The following ADAMTS3 variants were observed in gnomAD, a reference collection of about 807,000 sequenced individuals.
ADAMTS3 encodes the protein A disintegrin and metalloproteinase with thrombospondin motifs 3.
ADAMTS3 carries 73 observed loss-of-function variants against 129.0 expected under a neutral mutation model. The ratio of observed to expected loss-of-function variants is 0.57; its 90% CI spans 0.47 to 0.69. ADAMTS3 has a LOEUF of 0.69. Among genes scored for constraint, ADAMTS3 ranks in the 30% least tolerant of loss-of-function variants. ADAMTS3 has a pLI of 0.00. For synonymous variants in ADAMTS3, 477 were observed against 510.8 expected, an observed-to-expected ratio of 0.93 and a Z score of 0.89; for missense variants, 1,457 against 1,514.5, an observed-to-expected ratio of 0.96 and a Z score of 0.63.
intron 4 of ADAMTS3, among the ~76,000 whole-genome samples, chr4:72,378,156 T>A (rs567051523): frequency 6.6e-6 from 1 of 152,304 alleles, no homozygotes; most frequent in Admixed American, 6.5e-5. Context: ...CTAAAATTCC[T>A]TCATCAGTTT....
intron 3 of ADAMTS3, among the ~76,000 whole-genome samples, chr4:72,530,703 TTA>T (rs1490799325): frequency 7.5e-5 from 7 of 92,990 alleles, no homozygotes; most frequent in African/African-American, 3.1e-4. Flanking sequence ...GTATCATATA[TTA>T]TATATTATAT....
chr4:72,546,418 T>C (rs1578783568), intron 3 of ADAMTS3, among the ~76,000 whole-genome samples: 1 of 150,768 alleles, frequency 6.6e-6, no homozygotes, highest in Non-Finnish European at 1.5e-5. Flanking sequence ...TAACCTCTAG[T>C]GATTTCATCT....
chr4:72,317,317 A>T (rs1719424209), intron 10 of ADAMTS3, among the ~76,000 whole-genome samples: 1 of 152,188 alleles, frequency 6.6e-6, no homozygotes, highest in Non-Finnish European at 1.5e-5. Context: ...TAATGCAAGT[A>T]ATTAGGAGCT....
intron 3 of ADAMTS3, among the ~76,000 whole-genome samples, chr4:72,446,278 A>T (rs1436527412): frequency 2.0e-5 from 3 of 151,688 alleles, no homozygotes; most frequent in Non-Finnish European, 4.4e-5. Context: ...TCTTGCAAAC[A>T]TCTTCTGGTC....
At chr4:72,515,953 G>A (rs1365202902) in intron 3 of ADAMTS3, among the ~76,000 whole-genome samples, 4 of 152,096 alleles carry the variant, frequency 2.6e-5, no homozygotes, top group Admixed American at 6.5e-5. Context: ...TTTCTTCTAG[G>A]GTTTTTATGG....
chr4:72,453,125 C>T (rs1421690562), intron 3 of ADAMTS3, among the ~76,000 whole-genome samples: 3 of 151,716 alleles, frequency 2.0e-5, no homozygotes, highest in African/African-American at 7.3e-5. Context: ...CAGGCCATTG[C>T]TTTATTATAT....
intron 4 of ADAMTS3, among the ~76,000 whole-genome samples, chr4:72,344,357 G>A (rs960080862): frequency 8.6e-5 from 13 of 151,950 alleles, no homozygotes; most frequent in African/African-American, 2.9e-4. Context: ...GTCTGAAAAA[G>A]GACAGGAGAC....
chr4:72,423,979 A>G (rs1722511808), intron 3 of ADAMTS3, among the ~76,000 whole-genome samples: 1 of 152,092 alleles, frequency 6.6e-6, no homozygotes, highest in Non-Finnish European at 1.5e-5. Flanking sequence ...TTGAACTCCC[A>G]GAATTTTATC....
intron 3 of ADAMTS3, among the ~76,000 whole-genome samples, chr4:72,441,519 T>C (rs989385245): frequency 4.6e-5 from 7 of 151,820 alleles, no homozygotes; most frequent in Admixed American, 4.6e-4. Context: ...TGTCTTGAGA[T>C]GAGCAGTTTT....
At chr4:72,471,162 A>G (rs1025511962) in intron 3 of ADAMTS3, among the ~76,000 whole-genome samples, 4 of 152,316 alleles carry the variant, frequency 2.6e-5, no homozygotes, top group African/African-American at 4.8e-5. Context: ...AAAACAACTA[A>G]CAGGATATGT....
intron 3 of ADAMTS3, among the ~76,000 whole-genome samples, chr4:72,523,068 A>C (rs1244627949): frequency 6.6e-6 from 1 of 152,088 alleles, no homozygotes; most frequent in African/African-American, 2.4e-5. Flanking sequence ...TTTTAACTTT[A>C]TAAGAGTCTT....
At chr4:72,359,010 C>A (rs893211953) in intron 4 of ADAMTS3, among the ~76,000 whole-genome samples, 1 of 151,662 alleles carries the variant, frequency 6.6e-6, no homozygotes, top group Non-Finnish European at 1.5e-5. Context: ...AAAACATAAA[C>A]AAAACAAAGA....
chr4:72,487,799 C>T (rs1719630541), intron 3 of ADAMTS3, among the ~76,000 whole-genome samples: 1 of 151,954 alleles, frequency 6.6e-6, no homozygotes, highest in Admixed American at 6.6e-5. Context: ...AAGGGAGTAG[C>T]TATGATCAAA....
At chr4:72,443,658 T>G (rs1718176355) in intron 3 of ADAMTS3, among the ~76,000 whole-genome samples, 1 of 151,408 alleles carries the variant, frequency 6.6e-6, no homozygotes, top group Admixed American at 6.6e-5. Context: ...AATATTTCCT[T>G]TAGGGAAATC....
intron 2 of ADAMTS3, among the ~76,000 whole-genome samples, chr4:72,558,226 G>T (rs1041583008): frequency 1.3e-5 from 2 of 151,842 alleles, no homozygotes; most frequent in African/African-American, 4.9e-5. Context: ...TCAAAAAGTA[G>T]GAGAAACTGG....
At chr4:72,547,847 C>T (rs745854435) in intron 3 of ADAMTS3, among the ~76,000 whole-genome samples, 1 of 152,140 alleles carries the variant, frequency 6.6e-6, no homozygotes, top group Non-Finnish European at 1.5e-5. Flanking sequence ...TGGTATTTGT[C>T]TTGTCACAAA....
intron 3 of ADAMTS3, among the ~76,000 whole-genome samples, chr4:72,526,857 A>G (rs1415415983): frequency 9.5e-6 from 1 of 105,124 alleles, no homozygotes; most frequent in Non-Finnish European, 2.1e-5. Flanking sequence ...TATCTCAAAT[A>G]TTAGGTGAAC....
At chr4:72,442,895 A>T (rs1718156097) in intron 3 of ADAMTS3, among the ~76,000 whole-genome samples, 1 of 151,648 alleles carries the variant, frequency 6.6e-6, no homozygotes, top group African/African-American at 2.4e-5. Flanking sequence ...TTGAGTTCAA[A>T]ACTTTGACTC....
chr4:72,436,721 C>A (rs1717937581), intron 3 of ADAMTS3, among the ~76,000 whole-genome samples: 1 of 151,890 alleles, frequency 6.6e-6, no homozygotes, highest in African/African-American at 2.4e-5. Context: ...ATGGATAAAG[C>A]TAGGAACCAT....
Sources: allele counts gnomAD v4.1 joint callset (sites outside exome capture counted in the v4.1 genomes callset), GRCh38; gene constraint gnomAD v4.1.1; transcripts MANE v1.5; gene names NCBI Gene and HGNC (gene_info 2026-07-23, HGNC 2026-07-21).